The following ACACA variants were observed in gnomAD, a reference collection of about 807,000 sequenced individuals.
ACACA encodes acetyl-CoA carboxylase alpha.
A neutral mutation model predicts 296.1 loss-of-function variants in ACACA; 103 were observed. The observed-to-expected ratio is 0.35, with a 90% CI of 0.30 to 0.41. ACACA has a LOEUF of 0.41. Ranked by LOEUF, ACACA falls within the 10% of genes least tolerant of loss-of-function variation. The pLI is 1.00. For synonymous variants in ACACA, 953 were observed against 1,038.6 expected (o/e 0.92, Z 1.58); for missense variants, 1,554 against 2,989.7 (o/e 0.52, Z 11.20).
At chr17:37,339,204 A>C (rs2048276298) in intron 2 of ACACA, among the ~76,000 whole-genome samples, 1 of 152,274 alleles carries the variant, frequency 6.6e-6, no homozygotes, top group Non-Finnish European at 1.5e-5. Context: ...CAAAGTAAGA[A>C]AGCAAGGCAC....
chr17:37,235,714 G>T (rs2145860641), intron 24 of ACACA, among the ~76,000 whole-genome samples: 1 of 152,242 alleles, frequency 6.6e-6, no homozygotes, highest in South Asian at 2.1e-4. Context: ...TCTTCTGTTA[G>T]TCCTTGAAAC....
intron 52 of ACACA, among the ~76,000 whole-genome samples, chr17:37,104,744 C>G (rs1228657775): frequency 1.3e-5 from 2 of 152,048 alleles, no homozygotes; most frequent in African/African-American, 4.8e-5. Context: ...GAGTTTGAGA[C>G]CAGCCCAGGC....
chr17:37,323,914 A>T (rs1457693092), intron 3 of ACACA, among the ~76,000 whole-genome samples: 1 of 152,210 alleles, frequency 6.6e-6, no homozygotes, highest in Non-Finnish European at 1.5e-5. Flanking sequence ...TGGCTCTGTT[A>T]TATGCCACCA....
chr17:37,398,157 T>C (rs1324446725), intron 1 of ACACA, among the ~76,000 whole-genome samples: 3 of 141,910 alleles, frequency 2.1e-5, no homozygotes, highest in Non-Finnish European at 3.0e-5. Flanking sequence ...TTGAACCAGG[T>C]AGGCGGAGGT....
chr17:37,240,651 C>T (rs2080350042), intron 23 of ACACA, 87 bp from the exon 24 acceptor site: 3 of 986,468 alleles, frequency 3.0e-6, no homozygotes, highest in Non-Finnish European at 4.7e-6. Flanking sequence ...ACCTCCACGA[C>T]ATTCCACTGA....
At chr17:37,235,753 C>G (rs1185953880) in intron 24 of ACACA, among the ~76,000 whole-genome samples, 1 of 152,102 alleles carries the variant, frequency 6.6e-6, no homozygotes, top group African/African-American at 2.4e-5. Context: ...AACGCCAAAT[C>G]CAACCCAAGG....
chr17:37,391,357 G>A (rs1230779961), intron 1 of ACACA, among the ~76,000 whole-genome samples: 1 of 152,216 alleles, frequency 6.6e-6, no homozygotes, highest in Admixed American at 6.5e-5. Context: ...GTTGAGGCTT[G>A]AAGAGGTTAT....
At chr17:37,175,347 C>A (rs1341219586) in intron 41 of ACACA, among the ~76,000 whole-genome samples, 1 of 152,146 alleles carries the variant, frequency 6.6e-6, no homozygotes, top group Non-Finnish European at 1.5e-5. Flanking sequence ...GGATTTAGTG[C>A]GAAAAGCAGC....
intron 1 of ACACA, among the ~76,000 whole-genome samples, chr17:37,390,330 A>ATTATATATATATATATATC: frequency 2.4e-5 from 1 of 41,582 alleles, no homozygotes; most frequent in South Asian, 8.5e-4. Context: ...ATATATATAT[A>ATTATATATATATATATATC]TATAAAAGGC....
rs2051522899 is a variant in ACACA, at chr17:37,406,614, A to T, written c.-315T>A. Reference sequence around the variant, plus strand: ...CACCGCACTCCGGAGGGGACCAAACAGCCCCACGCGCCAGGAAGCCTCAGG... The same window carrying T: ...CACCGCACTCCGGAGGGGACCAAACTGCCCCACGCGCCAGGAAGCCTCAGG... On this transcript the variant is annotated 5_prime_UTR_variant, in exon 1 of 56. Coordinates refer to ENST00000616317, the MANE Select transcript of ACACA (RefSeq NM_198834.3). 35 of 537,956 alleles carry T rather than the reference A, an allele frequency of 6.5e-5. 1 individual carries two copies. In the South Asian group the frequency reaches 7.2e-4, roughly 11 times the overall value. The allele number at this position is 537,956 out of a possible 1,614,324, so 33.3% of individuals were successfully genotyped here.
At chr17:37,120,767 A>G (rs1471224972) in intron 50 of ACACA, among the ~76,000 whole-genome samples, 3 of 152,174 alleles carry the variant, frequency 2.0e-5, no homozygotes, top group African/African-American at 7.2e-5. Flanking sequence ...CTACACATCA[A>G]GGTTTCTCCG....
intron 1 of ACACA, among the ~76,000 whole-genome samples, chr17:37,393,745 G>A (rs2050977543): frequency 6.6e-6 from 1 of 151,908 alleles, no homozygotes; most frequent in East Asian, 1.9e-4. Flanking sequence ...CAGAGGCTGA[G>A]GCACAAGAAT....
intron 1 of ACACA, among the ~76,000 whole-genome samples, chr17:37,395,585 C>T (rs1267021943): frequency 6.6e-6 from 1 of 151,972 alleles, no homozygotes; most frequent in Non-Finnish European, 1.5e-5. Flanking sequence ...ACTCTTGTTG[C>T]CCAGGCTGGA....
chr17:37,129,644 C>A (rs1279358352), intron 46 of ACACA, among the ~76,000 whole-genome samples, 159 bp from the exon 47 acceptor site: 1 of 152,150 alleles, frequency 6.6e-6, no homozygotes, highest in South Asian at 2.1e-4. Flanking sequence ...ATGTGCCAGG[C>A]CCCAAGGAAC....
At chr17:37,224,883 T>C in intron 27 of ACACA, 109 bp downstream of exon 27, 2 of 481,944 alleles carry the variant, frequency 4.1e-6, no homozygotes, top group Non-Finnish European at 7.1e-6. Flanking sequence ...ATATGGAAAA[T>C]CAAAATTAAT....
intron 1 of ACACA, chr17:37,359,220 G>T: frequency 1.2e-6 from 1 of 852,698 alleles, no homozygotes; most frequent in South Asian, 5.3e-5. Context: ...GACTACGTCC[G>T]GGGTTACTCC....
chr17:37,346,028 T>C (rs1427899262), intron 1 of ACACA, among the ~76,000 whole-genome samples: 3 of 152,156 alleles, frequency 2.0e-5, no homozygotes, highest in African/African-American at 7.2e-5. Flanking sequence ...CAATGAGCTA[T>C]AATGGAGCCC....
intron 1 of ACACA, chr17:37,367,505 G>C (rs2049650742): frequency 6.6e-6 from 1 of 152,004 alleles, no homozygotes; most frequent in Admixed American, 6.6e-5. Flanking sequence ...TTAGCTCTGT[G>C]GCCTTGAGGA....
intron 1 of ACACA, among the ~76,000 whole-genome samples, chr17:37,400,576 T>C (rs2147848195): frequency 6.6e-6 from 1 of 152,352 alleles, no homozygotes; most frequent in East Asian, 1.9e-4. Flanking sequence ...TTCTACAAGC[T>C]TGACTTTTTT....
Sources: gnomAD v4.1 joint callset for allele counts (sites outside exome capture counted in the v4.1 genomes callset) on GRCh38, gnomAD v4.1.1 for gene constraint, MANE v1.5 for transcripts, NCBI Gene and HGNC (gene_info 2026-07-23, HGNC 2026-07-21) for gene names.